Variants in XYLB observed in about 807,000 individuals in gnomAD.
XYLB encodes xylulose kinase.
Under a neutral mutation model 78.7 loss-of-function variants are expected in XYLB, and 62 were observed. That is an observed-to-expected ratio of 0.79 (90% CI 0.64 to 0.97). The LOEUF (loss-of-function observed/expected upper bound fraction) is 0.97, where lower values mean the gene tolerates loss of function less well. Among genes scored for constraint, XYLB ranks in the 50% least tolerant of loss-of-function variants. XYLB has a pLI of 0.00. For synonymous variants in XYLB, 245 were observed against 247.4 expected (o/e 0.99, Z 0.09); for missense variants, 687 against 676.8 (o/e 1.02, Z -0.17).
At chr3:38,378,215 G>C (rs985388501) in intron 14 of XYLB, among the ~76,000 whole-genome samples, 7 of 152,258 alleles carry the variant, frequency 4.6e-5, no homozygotes, top group African/African-American at 1.7e-4. Flanking sequence ...TTTTGTTAGA[G>C]TGAGAAGCTA....
chr3:38,401,720 C>A (rs1334529403), intron 18 of XYLB, among the ~76,000 whole-genome samples: 2 of 152,182 alleles, frequency 1.3e-5, no homozygotes, highest in African/African-American at 4.8e-5. Context: ...CTAAAGCAGT[C>A]TCCAAAGTGG....
chr3:38,449,964 C>T, the XYLB span, among the ~76,000 whole-genome samples: 3 of 151,940 alleles, frequency 2.0e-5, no homozygotes, highest in Admixed American at 6.6e-5. Context: ...GGGGAAAGTA[C>T]GAGGTCTAGG....
chr3:38,349,981 C>T (rs1705272821), intron 2 of XYLB, among the ~76,000 whole-genome samples: 1 of 152,216 alleles, frequency 6.6e-6, no homozygotes, highest in African/African-American at 2.4e-5. Flanking sequence ...CAAATAATCA[C>T]AATCCAAGGC....
At chr3:38,357,748 T>C (rs1705737426) in intron 2 of XYLB, among the ~76,000 whole-genome samples, 2 of 151,266 alleles carry the variant, frequency 1.3e-5, no homozygotes, top group Non-Finnish European at 1.5e-5. Flanking sequence ...GGATGTGAAA[T>C]GCAATCTCAC....
At chr3:38,447,488 T>A in the XYLB span, among the ~76,000 whole-genome samples, 3 of 142,598 alleles carry the variant, frequency 2.1e-5, no homozygotes, top group Non-Finnish European at 4.7e-5. Context: ...TTTTTTTTTT[T>A]TTTTTTGTAG....
At chr3:38,357,077 A>G (rs1025370927) in intron 2 of XYLB, 2 of 152,270 alleles carry the variant, frequency 1.3e-5, no homozygotes, top group Non-Finnish European at 2.9e-5. Context: ...AGCCCTAACC[A>G]GAAACTGAAT....
At chr3:38,380,815 G>A (rs1316234898) in intron 15 of XYLB, among the ~76,000 whole-genome samples, 1 of 152,220 alleles carries the variant, frequency 6.6e-6, no homozygotes, top group Non-Finnish European at 1.5e-5. Flanking sequence ...AAAATGCATT[G>A]TGGTGCATTT....
intron 3 of XYLB, among the ~76,000 whole-genome samples, chr3:38,362,410 T>C (rs940995307): frequency 2.0e-4 from 31 of 152,264 alleles, no homozygotes; most frequent in African/African-American, 7.2e-4. Flanking sequence ...GCTAAATTTT[T>C]CATTTTTTGT....
chr3:38,376,028 G>A (rs1346838351), intron 12 of XYLB, 89 bp from the exon 13 acceptor site: 12 of 893,192 alleles, frequency 1.3e-5, no homozygotes, highest in Non-Finnish European at 2.2e-5. Context: ...CTGACCTGCA[G>A]TTCCTCTGCC....
downstream of XYLB, among the ~76,000 whole-genome samples, chr3:38,419,698 T>C (rs1046074094): frequency 6.7e-6 from 1 of 149,916 alleles, no homozygotes; most frequent in Admixed American, 6.7e-5. Context: ...TTCATGTTCT[T>C]ATTTGCCGTT....
Position 38,400,940 on chromosome 3 carries a change from T to C in XYLB, c.1488T>C (p.Ala496=). ...CCTTTTCAGAGGTTGTGAAGTTAGC[T>C]CCAAATCCCAGACTAGCTGCTACCC... ...DVPFSEVVKL[A]PNPRLAATPS... is the part of the protein sequence containing the mutation. Residue 496 remains alanine (A), a synonymous_variant, in exon 18 of 19, where the codon GCT becomes GCC. Transcript: ENST00000207870. 6.2e-7 allele frequency: 1 copy of C among 1,614,162 alleles called. No homozygotes were observed.
At chr3:38,440,616 G>T in the XYLB span, among the ~76,000 whole-genome samples, 21 of 152,302 alleles carry the variant, frequency 1.4e-4, no homozygotes, top group South Asian at 4.4e-3. Context: ...AAGGATTTTT[G>T]ATAAGAAGGC....
At chr3:38,401,626 C>A (rs1242794180) in intron 18 of XYLB, among the ~76,000 whole-genome samples, 1 of 152,172 alleles carries the variant, frequency 6.6e-6, no homozygotes, top group Non-Finnish European at 1.5e-5. Context: ...CCCAGTTGGT[C>A]TAAGGGGCTG....
intron 15 of XYLB, among the ~76,000 whole-genome samples, chr3:38,392,499 G>A (rs901689804): frequency 6.6e-6 from 1 of 152,092 alleles, no homozygotes; most frequent in Non-Finnish European, 1.5e-5. Flanking sequence ...ATTTCACCAT[G>A]TTGGCCAGGC....
chr3:38,361,594 T>A (rs987905791), intron 3 of XYLB, among the ~76,000 whole-genome samples: 12 of 152,092 alleles, frequency 7.9e-5, no homozygotes, highest in African/African-American at 2.9e-4. Context: ...ATGGTCAGTG[T>A]CAGGAGGTCC....
At chr3:38,353,205 A>G (rs1043309019) in intron 2 of XYLB, among the ~76,000 whole-genome samples, 3 of 152,214 alleles carry the variant, frequency 2.0e-5, no homozygotes, top group Non-Finnish European at 4.4e-5. Flanking sequence ...TCTTACATAA[A>G]AATATTTGGA....
intron 18 of XYLB, among the ~76,000 whole-genome samples, chr3:38,406,043 AG>A (rs1708306763): frequency 6.6e-6 from 1 of 152,234 alleles, no homozygotes; most frequent in African/African-American, 2.4e-5. Context: ...TGGTTCTCCC[AG>A]CACACCTCTG....
Position 38,413,096 on chromosome 3 carries a change from T to C in XYLB, c.*83T>C, listed in dbSNP as rs1708664785. On this transcript the variant is annotated 3_prime_UTR_variant, in exon 19 of 19. Transcript: ENST00000207870. The stretch of plus-strand genomic sequence containing the variant: ...GCCCCAGACAGGAGGGATCCACTTC[T>C]CTGTTCTGAACAGCTCTTCCTGCCC... 1 of 1,387,972 alleles carries C rather than the reference T, an allele frequency of 7.2e-7. No homozygotes were observed. Among genetic ancestry groups the C allele is most frequent in the Non-Finnish European group, 9.8e-7 (1 of 1,023,052 alleles). The allele number at this position is 1,387,972 out of a possible 1,614,324, so 86.0% of individuals were successfully genotyped here.
rs1706854944 is a variant in XYLB, at chr3:38,376,334, A to G, written c.1120+102A>G. On this transcript the variant is annotated intron_variant, in intron 13 of 18. Transcript: ENST00000207870. The stretch of plus-strand genomic sequence containing the variant: ...GAGCTGGGGGAGAGGAGGGCCGTGG[A>G]GAAGTCCAGGGGAGTCCTGTCTGTC... 5 of 785,190 alleles carry G rather than the reference A, an allele frequency of 6.4e-6. 1 individual carries two copies. The highest frequency in any genetic ancestry group is 5.6e-5 in the South Asian group (4 of 71,584). 48.6% of individuals were successfully genotyped at this position (785,190 alleles called of 1,614,324 possible). A position where few individuals can be genotyped will look rare whatever the true frequency, so the allele number is the denominator to read the frequency against.
Sources: gnomAD v4.1 joint callset for allele counts (sites outside exome capture counted in the v4.1 genomes callset) on GRCh38, gnomAD v4.1.1 for gene constraint, MANE v1.5 for transcripts, NCBI Gene and HGNC (gene_info 2026-07-23, HGNC 2026-07-21) for gene names.